DDO: variants seen among roughly 807,000 people sequenced by gnomAD.
DDO encodes D-aspartate oxidase, also known as D-aspartate oxidase, DDO.
DDO carries 16 observed loss-of-function variants against 16.8 expected under a neutral mutation model. The ratio of observed to expected loss-of-function variants is 0.95; its 90% CI spans 0.65 to 1.45. The LOEUF is 1.45. Among genes scored for constraint, DDO ranks in the 40% most tolerant of loss-of-function variants. The probability of loss-of-function intolerance (pLI) is 0.00; values close to 1 mark genes in which losing one functional copy is unlikely to be tolerated. For synonymous variants in DDO, 180 were observed against 167.2 expected (o/e 1.08, Z -0.59); for missense variants, 429 against 420.3 (o/e 1.02, Z -0.18).
At chr6:110,399,781 G>T (rs2114818392) in intron 4 of DDO, among the ~76,000 whole-genome samples, 1 of 152,348 alleles carries the variant, frequency 6.6e-6, no homozygotes, top group South Asian at 2.1e-4. Flanking sequence ...GCACAAGGGA[G>T]TGAGGAGCAG....
chr6:110,414,019 G>T (rs1773956643), intron 1 of DDO, among the ~76,000 whole-genome samples: 1 of 152,080 alleles, frequency 6.6e-6, no homozygotes. Context: ...TGATCCGCCG[G>T]CCCCAGCCTC....
In DDO at chr6:110,392,919, A is replaced by C. The variant is rs144649963; in HGVS notation, c.882T>G (p.Asp294Glu). 6.2e-7 allele frequency: 1 copy of C among 1,614,230 alleles called. No individual in the cohort carries two copies. The highest frequency in any genetic ancestry group is 1.1e-5 in the South Asian group (1 of 91,086). The change falls in exon 5 of 5, where the codon GAT becomes GAG. Residue 294 changes from aspartate to glutamate, a missense_variant. Coordinates refer to ENST00000368924, the MANE Select transcript of DDO (RefSeq NM_001372108.2). ...VRLQTELLAR[D>E]GQRLPVVHHY... ...GGTGGACTACAGGCAGCCTCTGTCCATCTCGCGCAAGGAGCTCTGTCTGCA... is the reference window on the plus strand; with the variant it reads ...GGTGGACTACAGGCAGCCTCTGTCCCTCTCGCGCAAGGAGCTCTGTCTGCA...
intron 1 of DDO, among the ~76,000 whole-genome samples, chr6:110,415,180 G>A (rs183271205): frequency 0.021 from 3,171 of 152,334 alleles, 104 homozygotes; most frequent in African/African-American, 0.073. Context: ...GCCAGCTTGA[G>A]TAGAGCTGTC....
downstream of DDO, among the ~76,000 whole-genome samples, chr6:110,390,964 T>C (rs1582464726): frequency 6.6e-6 from 1 of 152,212 alleles, no homozygotes; most frequent in Admixed American, 6.5e-5. Flanking sequence ...GTATCCATCT[T>C]TCATTTCTAG....
downstream of DDO, among the ~76,000 whole-genome samples, chr6:110,390,159 C>T (rs1221507268): frequency 6.6e-6 from 1 of 152,114 alleles, no homozygotes; most frequent in African/African-American, 2.4e-5. Flanking sequence ...CCTCTGAGCT[C>T]GATGCCCCAA....
chr6:110,399,215 C>G (rs1364268286), intron 4 of DDO, among the ~76,000 whole-genome samples: 2 of 152,200 alleles, frequency 1.3e-5, no homozygotes, highest in Admixed American at 6.5e-5. Flanking sequence ...ACAAGATGAT[C>G]TCTTCTATCT....
At chr6:110,394,389 G>T (rs577764442) in intron 4 of DDO, among the ~76,000 whole-genome samples, 2 of 152,172 alleles carry the variant, frequency 1.3e-5, no homozygotes, top group Non-Finnish European at 2.9e-5. Context: ...TTATAGGCAT[G>T]AGCCACCGTG....
chr6:110,403,156 A>G lies in DDO; in HGVS notation c.458+1618T>C, dbSNP rs551389200. ...ATAATCTAAAAATGTTATGCATTGT[A>G]TTGAAAGGAAACTCTGCCATTTTTT... On this transcript the variant is annotated intron_variant, in intron 4 of 4. Coordinates refer to ENST00000368924, the MANE Select transcript of DDO (RefSeq NM_001372108.2). Among the ~76,000 whole-genome samples the G allele has an allele frequency of 2.6e-5, 4 of 152,324 alleles. No homozygotes were observed. In the East Asian group the frequency reaches 7.7e-4, roughly 29 times the overall value.
chr6:110,398,030 G>A (rs1773343249), intron 4 of DDO, among the ~76,000 whole-genome samples: 1 of 152,142 alleles, frequency 6.6e-6, no homozygotes, highest in African/African-American at 2.4e-5. Flanking sequence ...GGTACAAGAA[G>A]CATGATGACT....
At chr6:110,395,053 G>A (rs535909833) in intron 4 of DDO, among the ~76,000 whole-genome samples, 3 of 152,294 alleles carry the variant, frequency 2.0e-5, no homozygotes, top group South Asian at 4.1e-4. Flanking sequence ...ACCTGCTATG[G>A]TTAATTTATG....
At chr6:110,397,062 A>G (rs1249322970) in intron 4 of DDO, among the ~76,000 whole-genome samples, 1 of 152,230 alleles carries the variant, frequency 6.6e-6, no homozygotes, top group Non-Finnish European at 1.5e-5. Flanking sequence ...ACCTCGGCCA[A>G]GTTATTCCAC....
intron 4 of DDO, among the ~76,000 whole-genome samples, chr6:110,401,434 T>C (rs1291403127): frequency 6.6e-6 from 1 of 150,410 alleles, no homozygotes; most frequent in Non-Finnish European, 1.5e-5. Flanking sequence ...TGTGTGGAAT[T>C]TTGTTGTGCC....
intron 1 of DDO, among the ~76,000 whole-genome samples, chr6:110,414,015 G>A (rs766238403): frequency 8.6e-5 from 13 of 151,990 alleles, no homozygotes; most frequent in African/African-American, 2.9e-4. Context: ...CTTGTGATCC[G>A]CCGGCCCCAG....
At chr6:110,412,208 C>T (rs926224861) in intron 2 of DDO, among the ~76,000 whole-genome samples, 20 of 151,238 alleles carry the variant, frequency 1.3e-4, no homozygotes, top group African/African-American at 3.7e-4. Context: ...GAGCCAGGAT[C>T]GTGCCACTGC....
rs961837003 is a variant in DDO at position 110,392,262 on chromosome 6, T to C, written c.*513A>G. The C allele has an allele frequency of 6.1e-6, 6 of 985,538 alleles. No individual in the cohort carries two copies. Among genetic ancestry groups the C allele is most frequent in the Non-Finnish European group, 4.8e-6 (4 of 829,994 alleles). The allele number at this position is 985,538 out of a possible 1,614,324, so 61.0% of individuals were successfully genotyped here. On this transcript the variant is annotated 3_prime_UTR_variant, in exon 5 of 5. Transcript: ENST00000368924. ...AAGAAGATCACAGGCAGCTCTGCAATTGACAGTGATTTAAATGTTTTCCAT... is the reference window on the plus strand; with the variant it reads ...AAGAAGATCACAGGCAGCTCTGCAACTGACAGTGATTTAAATGTTTTCCAT...
intron 1 of DDO, 94 bp downstream of exon 1, chr6:110,415,368 GCCTGT>G (rs1395950544): frequency 6.7e-7 from 1 of 1,484,954 alleles, no homozygotes; most frequent in African/African-American, 1.4e-5. Flanking sequence ...TGGCACAGTG[GCCTGT>G]CCATCACTGT....
chr6:110,410,371 C>T (rs1257719175), intron 2 of DDO, among the ~76,000 whole-genome samples: 2 of 152,218 alleles, frequency 1.3e-5, no homozygotes, highest in African/African-American at 2.4e-5. Context: ...CAAGGGAGAG[C>T]CTGGAAAATG....
Position 110,394,755 on chromosome 6 carries a change from C to T in DDO, c.459-1413G>A, listed in dbSNP as rs555763139. Among the ~76,000 whole-genome samples the T allele has an allele frequency of 4.1e-4, 63 of 152,324 alleles. 1 individual carries two copies. The highest frequency in any genetic ancestry group is 2.6e-4 in the Admixed American group (4 of 15,300). On this transcript the variant is annotated intron_variant, in intron 4 of 4. Transcript: ENST00000368924. Reference sequence around the variant, plus strand: ...TAGCTTTGAGCTCTTGGCCAACTCACCTCACTTCAAATCTCAGTTTCCTCA... The same window carrying T: ...TAGCTTTGAGCTCTTGGCCAACTCATCTCACTTCAAATCTCAGTTTCCTCA...
Position 110,408,578 on chromosome 6 carries a change from T to A in DDO, c.173-136A>T, listed in dbSNP as rs989928922. ...TAAAATAAGGAGGCAGGGAGGAACA[T>A]TAATATAAAGTGCCACATTGTGGCA... On this transcript the variant is annotated intron_variant, in intron 2 of 4. Transcript: ENST00000368924. 6 of 704,090 alleles carry A rather than the reference T, an allele frequency of 8.5e-6. No homozygotes were observed. In the Admixed American group the frequency reaches 1.7e-4, roughly 20 times the overall value. The allele number at this position is 704,090 out of a possible 1,614,324, so 43.6% of individuals were successfully genotyped here.
Sources: gnomAD v4.1 joint callset for allele counts (sites outside exome capture counted in the v4.1 genomes callset) on GRCh38, gnomAD v4.1.1 for gene constraint, MANE v1.5 for transcripts, NCBI Gene and HGNC (gene_info 2026-07-23, HGNC 2026-07-21) for gene names.